USH1C: variants seen among roughly 807,000 people sequenced by gnomAD.
The protein encoded by USH1C is USH1 protein network component harmonin.
Under a neutral mutation model 119.3 loss-of-function variants are expected in USH1C, and 90 were observed. The observed-to-expected ratio is 0.75, with a 90% CI of 0.64 to 0.90. The LOEUF (loss-of-function observed/expected upper bound fraction) is 0.90. USH1C is among the 40% of genes least tolerant of loss of function. The pLI is 0.00. For missense variants in USH1C, 1,165 were observed against 1,167.7 expected, an observed-to-expected ratio of 1.00 and a Z score of 0.03; for synonymous variants, 465 against 443.3, an observed-to-expected ratio of 1.05 and a Z score of -0.62.
chr11:17,526,803 C>G lies in USH1C; in HGVS notation c.529G>C (p.Asp177His), dbSNP rs1242304171. 2 of 1,614,034 alleles carry G rather than the reference C, an allele frequency of 1.2e-6. No homozygotes were observed. The highest frequency in any genetic ancestry group is 2.2e-5 in the South Asian group (2 of 91,064). ...IGLIPVKSSP[D>H]EPLTWQYVDQ... is the part of the protein sequence containing the mutation. ...ACATACTGCCAAGTGAGGGGCTCAT[C>G]AGGAGAGCTGATGGGAAGGGAAAAT... The change falls in exon 7 of 27, where the codon GAT (aspartate) becomes CAT (histidine). Residue 177 changes from aspartate to histidine, a missense_variant. Coordinates refer to ENST00000005226, the MANE Select transcript of USH1C (RefSeq NM_153676.4).
rs1849961732 is a variant in USH1C at position 17,513,008 on chromosome 11, C to T, written c.1261-954G>A. On this transcript the variant is annotated intron_variant, in intron 15 of 26. Coordinates refer to ENST00000005226, the MANE Select transcript of USH1C (RefSeq NM_153676.4). ...TGATCATTTATGAACTGCCTATGTG[C>T]CAAGGGATTTATACCAATGATCTCC... Among the ~76,000 whole-genome samples, 15 of 152,134 alleles carry T rather than the reference C, an allele frequency of 9.9e-5. 1 individual carries two copies. The highest frequency in any genetic ancestry group is 9.8e-4 in the Admixed American group (15 of 15,278).
intron 23 of USH1C, among the ~76,000 whole-genome samples, chr11:17,498,515 G>T (rs1251255989): frequency 2.6e-5 from 4 of 152,128 alleles, no homozygotes; most frequent in Non-Finnish European, 5.9e-5. Flanking sequence ...GGATATCATT[G>T]ATGATGAGCC....
chr11:17,513,836 G>GAA (rs5789989), intron 15 of USH1C, among the ~76,000 whole-genome samples: 4 of 150,854 alleles, frequency 2.7e-5, no homozygotes, highest in African/African-American at 9.7e-5. Flanking sequence ...AAGAAAGAAA[G>GAA]AAAAAAAAAA....
At position 17,509,705 on chromosome 11, in the gene USH1C, G is replaced by A. The variant is rs766124113; in HGVS notation, c.1664C>T (p.Pro555Leu). Residue 555 changes from proline to leucine, a missense_variant, in exon 18 of 27, where the codon CCC becomes CTC. Coordinates refer to ENST00000005226, the MANE Select transcript of USH1C (RefSeq NM_153676.4). ...CACAGGCAAGGCAGAGGGAGTCTTGGGGGGATAGTAGAACATGTCCAAAGG... is the reference window on the plus strand; with the variant it reads ...CACAGGCAAGGCAGAGGGAGTCTTGAGGGGATAGTAGAACATGTCCAAAGG... The part of the protein sequence containing the change: ...DIPLDMFYYP[P>L]KTPSALPVMP... 5.0e-6 allele frequency: 8 copies of A among 1,600,342 alleles called. No homozygotes were observed. The highest frequency in any genetic ancestry group is 6.8e-6 in the Non-Finnish European group (8 of 1,179,372).
chr11:17,535,497 T>C (rs1370437082), intron 1 of USH1C, among the ~76,000 whole-genome samples: 1 of 152,234 alleles, frequency 6.6e-6, no homozygotes, highest in Non-Finnish European at 1.5e-5. Context: ...TTGTTTTCTC[T>C]GTGAATTGTT....
At chr11:17,538,004 G>A (rs903482882) in intron 1 of USH1C, among the ~76,000 whole-genome samples, 5 of 152,006 alleles carry the variant, frequency 3.3e-5, no homozygotes, top group African/African-American at 1.2e-4. Context: ...CTCCTTTGTT[G>A]TCCACTTGTC....
intron 15 of USH1C, among the ~76,000 whole-genome samples, chr11:17,512,900 G>A (rs757221989): frequency 5.9e-5 from 9 of 152,146 alleles, no homozygotes; most frequent in Non-Finnish European, 1.0e-4. Context: ...TTTTCCTGTA[G>A]GAATTAGACC....
chr11:17,504,524 C>T, intron 20 of USH1C, 123 bp downstream of exon 20: 1 of 1,084,348 alleles, frequency 9.2e-7, no homozygotes, highest in South Asian at 1.3e-5. Context: ...TGGCCTGAGG[C>T]TTGGTGGCAG....
Position 17,531,293 on chromosome 11 carries a change from C to T in USH1C, c.249-1G>A, listed in dbSNP as rs1850962546. 1 of 1,614,052 alleles carries T rather than the reference C, an allele frequency of 6.2e-7. No homozygotes were observed. Among genetic ancestry groups the T allele is most frequent in the Non-Finnish European group, 8.5e-7 (1 of 1,180,056 alleles). ...GTCCAGACGCACCTCCTTCAGCTTC[C>T]TGCCACACAGGAGAGGTCGGTGATG... On this transcript the variant is annotated splice_acceptor_variant, in intron 3 of 26. Transcript: ENST00000005226. LOFTEE classifies it high-confidence loss of function. The surrounding 1 kb of genome is among the most constrained non-coding windows in gnomAD (Gnocchi z 4.2).
chr11:17,521,233 C>G (rs1850399413), intron 13 of USH1C, 113 bp downstream of exon 13: 12 of 1,208,590 alleles, frequency 9.9e-6, no homozygotes, highest in Non-Finnish European at 1.5e-5. Flanking sequence ...GGAGGACCCA[C>G]CAGGGGATGA....
chr11:17,526,301 G>A lies in USH1C; in HGVS notation c.674+46C>T, dbSNP rs772861810. 5.9e-6 allele frequency: 9 copies of A among 1,521,658 alleles called. No individual in the cohort carries two copies. The East Asian group carries it at 1.8e-4, about 30-fold the overall frequency. 94.3% of individuals were successfully genotyped at this position (1,521,658 alleles called of 1,614,324 possible). On this transcript the variant is annotated intron_variant, in intron 8 of 26. Transcript: ENST00000005226. ...AAGGGGAGGGCAATAGGGGCCTGCT[G>A]GGGTGCACTGGCCACGAATGACCCC... is the stretch of plus-strand genomic sequence containing the variant.
chr11:17,544,214 A>C, intron 1 of USH1C, 58 bp downstream of exon 1: 3 of 1,610,128 alleles, frequency 1.9e-6, no homozygotes, highest in Non-Finnish European at 2.5e-6. Context: ...TCCACCCCCT[A>C]CCCACCGCGC....
Position 17,544,264 on chromosome 11 carries a change from G to T in USH1C, c.36+8C>A. 6.2e-7 allele frequency: 1 copy of T among 1,614,010 alleles called. No homozygotes were observed. The highest frequency in any genetic ancestry group is 1.6e-4 in the Middle Eastern group (1 of 6,062). On this transcript the variant is annotated splice_region_variant and intron_variant, in intron 1 of 26. Coordinates refer to ENST00000005226, the MANE Select transcript of USH1C (RefSeq NM_153676.4). ...TCCCAGAAGCCTGGGGCGCCCTGCA[G>T]CTCTGACCTTATGCCGGAATTCTCG...
Position 17,509,489 on chromosome 11 carries a change from T to C in USH1C, c.1880A>G (p.Glu627Gly), listed in dbSNP as rs199812342. 39 of 1,408,208 alleles carry C rather than the reference T, an allele frequency of 2.8e-5. No homozygotes were observed. In the African/African-American group the frequency reaches 4.2e-4, roughly 15 times the overall value. 87.2% of individuals were successfully genotyped at this position (1,408,208 alleles called of 1,614,324 possible). Residue 627 changes from glutamate to glycine, a missense_variant, in exon 18 of 27, where the codon GAA (glutamate) becomes GGA (glycine). By Grantham distance (98) the Glu-to-Gly change is moderately conservative. Coordinates refer to ENST00000005226, the MANE Select transcript of USH1C (RefSeq NM_153676.4). ...TPTRPLPSAL[E>G]EALSNHPFRT... ...GAAGGGATGGTTGCTCAGTGCTTCTTCCAGCGCCGAGGGCAGTGGGCGGGT... is the reference window on the plus strand; with the variant it reads ...GAAGGGATGGTTGCTCAGTGCTTCTCCCAGCGCCGAGGGCAGTGGGCGGGT...
Position 17,509,743 on chromosome 11 carries a change from G to A in USH1C, c.1626C>T (p.Asp542=), listed in dbSNP as rs1849799988. 5 of 1,602,148 alleles carry A rather than the reference G, an allele frequency of 3.1e-6. No homozygotes were observed. The South Asian group carries it at 4.4e-5, about 14-fold the overall frequency. ...FAGGLHLHTT[D]LDDIPLDMFY... is the part of the protein sequence containing the mutation. Reference sequence around the variant, plus strand: ...ACATGTCCAAAGGGATGTCGTCCAGGTCAGTGGTGTGCAGGTGCAGTCCGC... The same window carrying A: ...ACATGTCCAAAGGGATGTCGTCCAGATCAGTGGTGTGCAGGTGCAGTCCGC... Residue 542 remains aspartate (D), a synonymous_variant, in exon 18 of 27, where the codon GAC becomes GAT. Transcript: ENST00000005226.
chr11:17,522,528 C>G (rs1850456693), intron 12 of USH1C, among the ~76,000 whole-genome samples: 1 of 152,200 alleles, frequency 6.6e-6, no homozygotes, highest in Non-Finnish European at 1.5e-5. Flanking sequence ...GAGCCTACTG[C>G]TAGTAGGATG....
At chr11:17,521,174 G>A (rs556481348) in intron 13 of USH1C, among the ~76,000 whole-genome samples, 172 bp downstream of exon 13, 5 of 152,198 alleles carry the variant, frequency 3.3e-5, no homozygotes, top group South Asian at 4.2e-4. Flanking sequence ...GCAATTATAC[G>A]AGACTATGTT....
At chr11:17,513,865 T>C (rs1443997974) in intron 15 of USH1C, among the ~76,000 whole-genome samples, 1 of 152,080 alleles carries the variant, frequency 6.6e-6, no homozygotes, top group Non-Finnish European at 1.5e-5. Flanking sequence ...GCTAAGATTA[T>C]AGAGTCAGGG....
chr11:17,505,909 AC>A lies in USH1C; in HGVS notation c.2053del (p.Val685CysfsTer22). ...CATGACAGGTTTGGAGATGGTGGAC[AC>A]GCCAGGGCCTCGTGGAGGCTGTGGG... ...PSPQPPRGPGVSTISKPVMVH... is the reference protein window; with the variant it reads ...PSPQPPRGPGXSTISKPVMVH... On this transcript the variant is annotated frameshift_variant, in exon 19 of 27. Transcript: ENST00000005226. LOFTEE classifies it high-confidence loss of function. 6.2e-7 allele frequency: 1 copy of A among 1,614,210 alleles called. No homozygotes were observed. The highest frequency in any genetic ancestry group is 8.5e-7 in the Non-Finnish European group (1 of 1,180,028).
Sources: allele counts gnomAD v4.1 joint callset (sites outside exome capture counted in the v4.1 genomes callset), GRCh38; gene constraint gnomAD v4.1.1; non-coding constraint Gnocchi (gnomAD v3.1); transcripts MANE v1.5; gene names NCBI Gene and HGNC (gene_info 2026-07-23, HGNC 2026-07-21).